The following MYO6 variants were observed in gnomAD, a reference collection of about 807,000 sequenced individuals.
MYO6 encodes the protein unconventional myosin-VI.
A neutral mutation model predicts 178.7 loss-of-function variants in MYO6; 74 were observed. The ratio of observed to expected loss-of-function variants is 0.41; its 90% CI spans 0.34 to 0.50. The LOEUF (loss-of-function observed/expected upper bound fraction) is 0.50, where lower values mean the gene tolerates loss of function less well. Ranked by LOEUF, MYO6 falls within the 20% of genes least tolerant of loss-of-function variation. The pLI, the probability that MYO6 is intolerant of heterozygous loss-of-function variation, is 0.09. For synonymous variants in MYO6, 477 were observed against 504.6 expected, an observed-to-expected ratio of 0.95 and a Z score of 0.73; for missense variants, 1,330 against 1,547.4, an observed-to-expected ratio of 0.86 and a Z score of 2.36.
intron 16 of MYO6, among the ~76,000 whole-genome samples, chr6:75,866,275 CTGTGTGTGTGTGTG>C (rs10687890): frequency 9.2e-5 from 11 of 119,138 alleles, no homozygotes; most frequent in African/African-American, 2.2e-4. Context: ...GTCTCTGTCT[CTGTGTGTGTGTGTG>C]TGTGTGTGTG....
chr6:75,757,357 G>GTCTGTC (rs1251317879), intron 1 of MYO6, among the ~76,000 whole-genome samples: 1 of 147,240 alleles, frequency 6.8e-6, no homozygotes, highest in African/African-American at 2.5e-5. Context: ...AACATCAGAA[G>GTCTGTC]TCTGTGTGTG....
At chr6:75,856,427 G>T (rs1201345564) in intron 12 of MYO6, among the ~76,000 whole-genome samples, 1 of 151,644 alleles carries the variant, frequency 6.6e-6, no homozygotes, top group Admixed American at 6.6e-5. Flanking sequence ...AGAGGCTTAA[G>T]TATCAAATGT....
At position 75,840,945 on chromosome 6, in the gene MYO6, C is replaced by T. The variant is rs542523266; in HGVS notation, c.651+263C>T. Reference sequence around the variant, plus strand: ...ATATTCTAGCACCTGTGTTGAGGTACGGTGCAAGGTCAATTGTGATTCTTA... The same window carrying T: ...ATATTCTAGCACCTGTGTTGAGGTATGGTGCAAGGTCAATTGTGATTCTTA... On this transcript the variant is annotated intron_variant, in intron 8 of 34. Coordinates refer to ENST00000369977, the MANE Select transcript of MYO6 (RefSeq NM_004999.4). Among the ~76,000 whole-genome samples the T allele has an allele frequency of 3.9e-5, 6 of 152,146 alleles. No homozygotes were observed. The South Asian group carries it at 8.3e-4, about 21-fold the overall frequency.
chr6:75,917,857 C>T lies in MYO6; in HGVS notation c.*2845C>T, dbSNP rs1781203117. ...ATTCACAGGTCATTACTATGGTTCT[C>T]AGCGATCCAAATATGTAGATCATTG... is the stretch of plus-strand genomic sequence containing the variant. On this transcript the variant is annotated 3_prime_UTR_variant, in exon 35 of 35. Transcript: ENST00000369977. 6.9e-6 allele frequency: 1 copy of T among 145,890 alleles called. No individual in the cohort carries two copies. Among genetic ancestry groups the T allele is most frequent in the South Asian group, 2.3e-4 (1 of 4,418 alleles). 9.0% of individuals were successfully genotyped at this position (145,890 alleles called of 1,614,324 possible). A position where few individuals can be genotyped will look rare whatever the true frequency, so the allele number is the denominator to read the frequency against.
At chr6:75,791,506 G>A (rs1280780490) in intron 1 of MYO6, among the ~76,000 whole-genome samples, 1 of 152,114 alleles carries the variant, frequency 6.6e-6, no homozygotes, top group African/African-American at 2.4e-5. Flanking sequence ...GTAATAATAT[G>A]TGCTATTCCA....
At chr6:75,826,276 A>G (rs1772459380) in intron 3 of MYO6, among the ~76,000 whole-genome samples, 1 of 152,206 alleles carries the variant, frequency 6.6e-6, no homozygotes, top group Non-Finnish European at 1.5e-5. Flanking sequence ...GCATGATTTC[A>G]GAGGAATACC....
intron 1 of MYO6, among the ~76,000 whole-genome samples, chr6:75,769,091 C>T (rs184113809): frequency 4.7e-4 from 71 of 152,256 alleles, no homozygotes; most frequent in Middle Eastern, 3.4e-3. Flanking sequence ...GGGGGTGGCA[C>T]CAAGCCATTC....
chr6:75,778,993 G>T (rs1766673672), intron 1 of MYO6, among the ~76,000 whole-genome samples: 1 of 148,352 alleles, frequency 6.7e-6, no homozygotes, highest in Admixed American at 6.9e-5. Flanking sequence ...GGAGGTTGAG[G>T]CTGCAGTGAA....
intron 10 of MYO6, among the ~76,000 whole-genome samples, chr6:75,847,972 A>T (rs964515152): frequency 1.3e-5 from 2 of 152,220 alleles, no homozygotes; most frequent in African/African-American, 2.4e-5. Context: ...TACCTCATTT[A>T]AAAAAACTGT....
Position 75,911,697 on chromosome 6 carries a change from AC to A in MYO6, c.3439del (p.Pro1147LeufsTer18). The A allele has an allele frequency of 6.2e-7, 1 of 1,611,962 alleles. No homozygotes were observed. The highest frequency in any genetic ancestry group is 1.3e-5 in the African/African-American group (1 of 74,986). On this transcript the variant is annotated frameshift_variant and splice_region_variant, in exon 33 of 35. Coordinates refer to ENST00000369977, the MANE Select transcript of MYO6 (RefSeq NM_004999.4). LOFTEE classifies it high-confidence loss of function. Reference sequence around the variant, plus strand: ...ATTTTGCACCATTTTTGAACAATTCACGTAAGTCAATGGGTGGTAACTCATG... The same window carrying A: ...ATTTTGCACCATTTTTGAACAATTCAGTAAGTCAATGGGTGGTAACTCATG... ...YDFAPFLNNS[P>X]QQNPAAQIPA...
At chr6:75,870,728 A>G (rs1321573449) in intron 19 of MYO6, 43 bp downstream of exon 19, 1 of 1,507,546 alleles carries the variant, frequency 6.6e-7, no homozygotes, top group African/African-American at 1.4e-5. Flanking sequence ...TGGGTCATCT[A>G]AAACTATTAT....
chr6:75,771,805 A>G (rs1207265863), intron 1 of MYO6, among the ~76,000 whole-genome samples: 1 of 152,222 alleles, frequency 6.6e-6, no homozygotes, highest in Non-Finnish European at 1.5e-5. Flanking sequence ...TTTTTCAAAG[A>G]TCCCCAGGTA....
chr6:75,881,898 G>A (rs1249226811), intron 23 of MYO6, 80 bp downstream of exon 23: 2 of 1,530,984 alleles, frequency 1.3e-6, no homozygotes, highest in African/African-American at 2.7e-5. Context: ...TGTCTCAGAG[G>A]TGATGCTGAG....
intron 3 of MYO6, among the ~76,000 whole-genome samples, chr6:75,824,899 A>G (rs1772295748): frequency 6.6e-6 from 1 of 151,806 alleles, no homozygotes; most frequent in Non-Finnish European, 1.5e-5. Flanking sequence ...AGCTGTGACT[A>G]CACGTGTGCA....
At chr6:75,751,805 G>T (rs1372596625) in intron 1 of MYO6, among the ~76,000 whole-genome samples, 3 of 151,962 alleles carry the variant, frequency 2.0e-5, no homozygotes, top group Admixed American at 2.0e-4. Context: ...TTGAACAAAT[G>T]CAAACATCCA....
intron 9 of MYO6, among the ~76,000 whole-genome samples, chr6:75,842,524 T>A (rs1774337892): frequency 1.3e-5 from 2 of 152,196 alleles, no homozygotes; most frequent in Non-Finnish European, 2.9e-5. Flanking sequence ...TTCAATTTCT[T>A]TTAATGTGTG....
intron 1 of MYO6, among the ~76,000 whole-genome samples, chr6:75,795,956 G>A (rs1304368255): frequency 6.6e-6 from 1 of 152,066 alleles, no homozygotes; most frequent in Non-Finnish European, 1.5e-5. Flanking sequence ...ATGACACAAA[G>A]TCCCATAAGA....
At chr6:75,875,334 G>A (rs937169525) in intron 20 of MYO6, among the ~76,000 whole-genome samples, 8 of 152,178 alleles carry the variant, frequency 5.3e-5, no homozygotes, top group Non-Finnish European at 1.0e-4. Context: ...GAGTGCAGTG[G>A]CACAATCATG....
chr6:75,894,741 T>C, intron 28 of MYO6: 1 of 991,412 alleles, frequency 1.0e-6, no homozygotes, highest in Middle Eastern at 3.1e-4. Context: ...TGTTGGGTTC[T>C]ATGCTGTGTT....
Sources: gnomAD v4.1 joint callset for allele counts (sites outside exome capture counted in the v4.1 genomes callset) on GRCh38, gnomAD v4.1.1 for gene constraint, MANE v1.5 for transcripts, NCBI Gene and HGNC (gene_info 2026-07-23, HGNC 2026-07-21) for gene names.